DIP2B: variants seen among roughly 807,000 people sequenced by gnomAD.
DIP2B encodes disco-interacting protein 2 homolog B.
A neutral mutation model predicts 198.0 loss-of-function variants in DIP2B; 76 were observed. The ratio of observed to expected loss-of-function variants is 0.38; its 90% confidence interval spans 0.32 to 0.46. The LOEUF (loss-of-function observed/expected upper bound fraction) is 0.46, where lower values mean the gene tolerates loss of function less well. Among genes scored for constraint, DIP2B ranks in the 20% least tolerant of loss-of-function variants. DIP2B has a pLI of 0.99. For missense variants in DIP2B, 1,559 were observed against 1,978.4 expected (o/e 0.79, Z 4.02); for synonymous variants, 701 against 739.1 (o/e 0.95, Z 0.84).
intron 1 of DIP2B, among the ~76,000 whole-genome samples, 176 bp downstream of exon 1, chr12:50,505,416 C>T (rs889525239): frequency 1.3e-5 from 2 of 152,200 alleles, no homozygotes; most frequent in African/African-American, 4.8e-5. Flanking sequence ...AAGTGGTTTC[C>T]TGTGGCTTTC....
chr12:50,613,331 A>G (rs1401575024), intron 1 of DIP2B, among the ~76,000 whole-genome samples: 2 of 152,356 alleles, frequency 1.3e-5, no homozygotes, highest in African/African-American at 2.4e-5. Context: ...AGAACGAAAT[A>G]GGCAGTGAAT....
chr12:50,556,238 C>T (rs562425213), intron 1 of DIP2B, among the ~76,000 whole-genome samples: 41 of 151,652 alleles, frequency 2.7e-4, no homozygotes, highest in East Asian at 3.9e-4. Flanking sequence ...TTAGTAGAGA[C>T]GGAGTTTTAC....
rs532381859 is a variant in DIP2B, at chr12:50,524,332, T to G, written c.100+19092T>G. 2.0e-5 allele frequency among the ~76,000 whole-genome samples: 3 copies of G among 152,332 alleles called. No homozygotes were observed. In the East Asian group the frequency reaches 5.8e-4, roughly 29 times the overall value. ...GCTTTTTAAACTGCAAATTAGGTCA[T>G]ATTACTTCCCCGCTTTATAGCTCTT... On this transcript the variant is annotated intron_variant, in intron 1 of 37. Transcript: ENST00000301180.
In DIP2B at chr12:50,685,818, A is replaced by T; in HGVS notation, c.1318-15A>T. On this transcript the variant is annotated splice_polypyrimidine_tract_variant and intron_variant, in intron 10 of 37. Coordinates refer to ENST00000301180, the MANE Select transcript of DIP2B (RefSeq NM_173602.3). ...ATTCGCTCCCCTACCTATGTTCATT[A>T]TCATTTCTCCACAGGATGCTGGAGG... The T allele has an allele frequency of 6.2e-7, 1 of 1,611,996 alleles. No homozygotes were observed. Among genetic ancestry groups the T allele is most frequent in the Non-Finnish European group, 8.5e-7 (1 of 1,178,874 alleles).
At chr12:50,596,525 G>C (rs1204702077) in intron 1 of DIP2B, among the ~76,000 whole-genome samples, 1 of 152,180 alleles carries the variant, frequency 6.6e-6, no homozygotes, top group Non-Finnish European at 1.5e-5. Context: ...AGGTTGACCT[G>C]GTTTGGATGA....
rs527525876 is a variant in DIP2B, at chr12:50,512,216, C to T, written c.100+6976C>T. Among the ~76,000 whole-genome samples the T allele has an allele frequency of 2.0e-5, 3 of 150,170 alleles. No individual in the cohort carries two copies. The East Asian group carries it at 6.0e-4, about 30-fold the overall frequency. On this transcript the variant is annotated intron_variant, in intron 1 of 37. Transcript: ENST00000301180. ...CCACCTCCTGGGTTCAAGTGATTCTCCTGCTTCAGCCTACTGAGTAGCTGG... is the reference window on the plus strand; with the variant it reads ...CCACCTCCTGGGTTCAAGTGATTCTTCTGCTTCAGCCTACTGAGTAGCTGG...
intron 1 of DIP2B, among the ~76,000 whole-genome samples, chr12:50,571,153 GTTA>G (rs1958609353): frequency 6.7e-6 from 1 of 148,826 alleles, no homozygotes; most frequent in African/African-American, 2.5e-5. Context: ...AAGAGAATAT[GTTA>G]TTATTGGCAG....
intron 1 of DIP2B, among the ~76,000 whole-genome samples, chr12:50,568,178 T>C (rs550823830): frequency 3.3e-4 from 51 of 152,332 alleles, no homozygotes; most frequent in African/African-American, 1.2e-3. Context: ...TGGGAGTGTC[T>C]TATAGCTCAG....
intron 1 of DIP2B, among the ~76,000 whole-genome samples, chr12:50,572,607 A>G (rs1321012420): frequency 6.6e-6 from 1 of 152,206 alleles, no homozygotes; most frequent in Non-Finnish European, 1.5e-5. Context: ...AGGTTACTAC[A>G]TTGACTGTTT....
intron 1 of DIP2B, among the ~76,000 whole-genome samples, chr12:50,570,613 G>A (rs966698788): frequency 1.3e-5 from 2 of 152,238 alleles, no homozygotes; most frequent in African/African-American, 2.4e-5. Context: ...GGAAGGCTGA[G>A]GCGAGAGAAT....
At chr12:50,664,282 A>G (rs1938707556) in intron 4 of DIP2B, among the ~76,000 whole-genome samples, 1 of 152,192 alleles carries the variant, frequency 6.6e-6, no homozygotes, top group African/African-American at 2.4e-5. Context: ...TGGCATGGGA[A>G]ATAATTTGTC....
At chr12:50,731,625 G>A in intron 31 of DIP2B, 88 bp downstream of exon 31, 2 of 1,433,916 alleles carry the variant, frequency 1.4e-6, no homozygotes, top group Non-Finnish European at 1.9e-6. Flanking sequence ...GGGGCTAACA[G>A]ACATGTTTGC....
chr12:50,517,389 G>C (rs984391570), intron 1 of DIP2B, among the ~76,000 whole-genome samples: 1 of 151,898 alleles, frequency 6.6e-6, no homozygotes, highest in Non-Finnish European at 1.5e-5. Context: ...ATATTCTAAT[G>C]GATCACTGAG....
At chr12:50,537,439 C>T (rs772074204) in intron 1 of DIP2B, among the ~76,000 whole-genome samples, 1 of 151,862 alleles carries the variant, frequency 6.6e-6, no homozygotes, top group Non-Finnish European at 1.5e-5. Context: ...AGTGACCAGG[C>T]GAGTGATAGT....
At chr12:50,674,437 T>C (rs1387120007) in intron 5 of DIP2B, 37 bp from the exon 6 acceptor site, 2 of 1,611,506 alleles carry the variant, frequency 1.2e-6, no homozygotes, top group Admixed American at 1.7e-5. Context: ...TTAGTTTTGC[T>C]GCTAATATAA....
At chr12:50,612,545 C>T (rs548065548) in intron 1 of DIP2B, among the ~76,000 whole-genome samples, 12 of 151,730 alleles carry the variant, frequency 7.9e-5, no homozygotes, top group African/African-American at 2.9e-4. Context: ...TCTCCTGCCT[C>T]AGCCTCCTGA....
chr12:50,732,998 T>C (rs1347492963), intron 32 of DIP2B, among the ~76,000 whole-genome samples: 1 of 152,024 alleles, frequency 6.6e-6, no homozygotes, highest in Non-Finnish European at 1.5e-5. Flanking sequence ...CTCCACCTCC[T>C]GGGTTCAAGC....
At chr12:50,733,244 T>G (rs1328658899) in intron 32 of DIP2B, among the ~76,000 whole-genome samples, 1 of 105,196 alleles carries the variant, frequency 9.5e-6, no homozygotes, top group Non-Finnish European at 1.9e-5. Flanking sequence ...CTATACCATT[T>G]TTTTTCTTTC....
chr12:50,584,191 C>A (rs1200770708), intron 1 of DIP2B, among the ~76,000 whole-genome samples: 1 of 152,236 alleles, frequency 6.6e-6, no homozygotes, highest in East Asian at 1.9e-4. Flanking sequence ...CATCCTCTAA[C>A]TTCCACCTTG....
Sources: allele counts gnomAD v4.1 joint callset (sites outside exome capture counted in the v4.1 genomes callset), GRCh38; gene constraint gnomAD v4.1.1; transcripts MANE v1.5; gene names NCBI Gene and HGNC (gene_info 2026-07-23, HGNC 2026-07-21).